The following GPR158 variants were observed in gnomAD, a reference collection of about 807,000 sequenced individuals.
GPR158 encodes the protein G protein-coupled receptor 158, also known as metabotropic glycine receptor.
Under a neutral mutation model 78.2 loss-of-function variants are expected in GPR158, and 30 were observed. The ratio of observed to expected loss-of-function variants is 0.38; its 90% confidence interval spans 0.29 to 0.52. GPR158 has a LOEUF of 0.52. Ranked by LOEUF, GPR158 falls within the 20% of genes least tolerant of loss-of-function variation. The probability of loss-of-function intolerance (pLI) is 0.83; values close to 1 mark genes in which losing one functional copy is unlikely to be tolerated. For missense variants in GPR158, 1,463 were observed against 1,523.5 expected (o/e 0.96, Z 0.66); for synonymous variants, 581 against 591.1 (o/e 0.98, Z 0.25).
At chr10:25,253,047 G>A (rs1204929958) in intron 2 of GPR158, among the ~76,000 whole-genome samples, 6 of 152,124 alleles carry the variant, frequency 3.9e-5, no homozygotes, top group African/African-American at 7.2e-5. Flanking sequence ...TCTGAAAAGC[G>A]CAATATTCGG....
At chr10:25,486,390 T>C (rs1029513399) in intron 5 of GPR158, among the ~76,000 whole-genome samples, 12 of 152,016 alleles carry the variant, frequency 7.9e-5, no homozygotes, top group Non-Finnish European at 1.5e-4. Flanking sequence ...GTCGTTGGGT[T>C]AGTTAGCCTC....
chr10:25,545,066 G>A (rs112549662), intron 5 of GPR158, among the ~76,000 whole-genome samples: 27 of 152,192 alleles, frequency 1.8e-4, no homozygotes, highest in African/African-American at 6.3e-4. Context: ...ATAGTATTCC[G>A]TGGCGTATAT....
intron 2 of GPR158, among the ~76,000 whole-genome samples, chr10:25,344,698 CTGAAA>C (rs1474824029): frequency 6.6e-6 from 1 of 151,936 alleles, no homozygotes; most frequent in Non-Finnish European, 1.5e-5. Context: ...GCTGTATTTT[CTGAAA>C]TGAATGCTAT....
intron 4 of GPR158, among the ~76,000 whole-genome samples, chr10:25,416,862 G>A (rs956087): frequency 0.7 from 106,284 of 151,910 alleles, 38,181 homozygotes; most frequent in Non-Finnish European, 0.8. Context: ...GATTAAAACT[G>A]TAAGTTAATA....
chr10:25,493,299 C>T (rs1275683693), intron 5 of GPR158, among the ~76,000 whole-genome samples: 1 of 152,192 alleles, frequency 6.6e-6, no homozygotes, highest in South Asian at 2.1e-4. Flanking sequence ...GCATTACTCA[C>T]GCAATTCCTC....
chr10:25,470,933 G>A, intron 5 of GPR158, among the ~76,000 whole-genome samples: 1 of 151,168 alleles, frequency 6.6e-6, no homozygotes, highest in East Asian at 1.9e-4. Flanking sequence ...GTCAAATCTA[G>A]GCTGTCACCT....
intron 2 of GPR158, among the ~76,000 whole-genome samples, chr10:25,368,504 T>C (rs61145375): frequency 1.3e-5 from 2 of 151,840 alleles, no homozygotes; most frequent in Non-Finnish European, 2.9e-5. Context: ...TCACTGATAA[T>C]TGCAGAAATG....
intron 2 of GPR158, among the ~76,000 whole-genome samples, chr10:25,353,789 C>G (rs1307731410): frequency 1.3e-5 from 2 of 151,988 alleles, no homozygotes; most frequent in East Asian, 1.9e-4. Context: ...ATAATTGGCT[C>G]TTGTTTCTTT....
intron 2 of GPR158, among the ~76,000 whole-genome samples, chr10:25,313,313 G>A (rs970766339): frequency 5.9e-5 from 9 of 151,342 alleles, no homozygotes; most frequent in Admixed American, 1.3e-4. Flanking sequence ...ACGAGTTAAT[G>A]GGTGCAGCAC....
chr10:25,309,757 T>C (rs980970352), intron 2 of GPR158, among the ~76,000 whole-genome samples: 1 of 151,814 alleles, frequency 6.6e-6, no homozygotes, highest in Non-Finnish European at 1.5e-5. Flanking sequence ...TCTGATGGTT[T>C]TATAAAGGGG....
chr10:25,229,312 C>T (rs376432963), intron 2 of GPR158, among the ~76,000 whole-genome samples: 33 of 152,212 alleles, frequency 2.2e-4, no homozygotes, highest in African/African-American at 6.5e-4. Context: ...GGATTACTAA[C>T]GCAAATAACC....
intron 5 of GPR158, among the ~76,000 whole-genome samples, chr10:25,497,950 T>C (rs1025247199): frequency 2.0e-5 from 3 of 152,190 alleles, no homozygotes; most frequent in Admixed American, 6.5e-5. Flanking sequence ...TGGGTTTTAA[T>C]GTTTAAATGT....
chr10:25,221,630 AT>A (rs1301687064), intron 2 of GPR158, among the ~76,000 whole-genome samples: 1 of 152,134 alleles, frequency 6.6e-6, no homozygotes, highest in African/African-American at 2.4e-5. Context: ...CTGGAAAGGA[AT>A]TGTGTATATG....
intron 5 of GPR158, among the ~76,000 whole-genome samples, chr10:25,491,380 A>G (rs1258010122): frequency 6.6e-6 from 1 of 152,114 alleles, no homozygotes. Flanking sequence ...TGGAGGACAT[A>G]TTTTCTACAT....
chr10:25,338,558 C>T (rs564964158), intron 2 of GPR158, among the ~76,000 whole-genome samples: 8 of 50,398 alleles, frequency 1.6e-4, no homozygotes, highest in Non-Finnish European at 8.3e-4. Flanking sequence ...ATATATAATA[C>T]GTATTGTATA....
At chr10:25,424,095 C>T (rs1834788197) in intron 4 of GPR158, among the ~76,000 whole-genome samples, 1 of 152,164 alleles carries the variant, frequency 6.6e-6, no homozygotes, top group African/African-American at 2.4e-5. Context: ...GAGATGGTAT[C>T]TCATTGTGAT....
At chr10:25,296,071 C>T (rs1334060) in intron 2 of GPR158, among the ~76,000 whole-genome samples, 1 of 124,408 alleles carries the variant, frequency 8.0e-6, no homozygotes, top group African/African-American at 2.8e-5. Context: ...AAAAAAAAAC[C>T]TAAGCAAGGA....
chr10:25,262,222 G>T (rs939975661), intron 2 of GPR158, among the ~76,000 whole-genome samples: 1 of 152,166 alleles, frequency 6.6e-6, no homozygotes, highest in Non-Finnish European at 1.5e-5. Context: ...TTAGTGGGGA[G>T]AGTGGAGGTC....
intron 6 of GPR158, among the ~76,000 whole-genome samples, chr10:25,553,971 G>A (rs1051500829): frequency 1.3e-5 from 2 of 152,098 alleles, no homozygotes; most frequent in African/African-American, 4.8e-5. Context: ...GTCAAGTAGG[G>A]TTTTTTGGTT....
Sources: allele counts gnomAD v4.1 joint callset (sites outside exome capture counted in the v4.1 genomes callset), GRCh38; gene constraint gnomAD v4.1.1; transcripts MANE v1.5; gene names NCBI Gene and HGNC (gene_info 2026-07-23, HGNC 2026-07-21).